TAL1: variants seen among roughly 807,000 people sequenced by gnomAD.
The protein encoded by TAL1 is T-cell acute lymphocytic leukemia protein 1.
Under a neutral mutation model 17.9 loss-of-function variants are expected in TAL1, and 8 were observed. The observed-to-expected ratio is 0.45, with a 90% confidence interval of 0.26 to 0.81. The LOEUF (loss-of-function observed/expected upper bound fraction) is 0.81. Among genes scored for constraint, TAL1 ranks in the 30% least tolerant of loss-of-function variants. The pLI is 0.17. For missense variants in TAL1, 466 were observed against 486.9 expected (o/e 0.96, Z 0.40); for synonymous variants, 223 against 218.6 (o/e 1.02, Z -0.18).
chr1:47,224,303 C>G (rs1336357848), intron 2 of TAL1, among the ~76,000 whole-genome samples: 3 of 151,820 alleles, frequency 2.0e-5, no homozygotes, highest in African/African-American at 7.3e-5. Context: ...ATAAAACAAG[C>G]AAAGGGAGGA....
rs1180471921 is a variant in TAL1, at chr1:47,225,682, G to A, written c.207C>T (p.Gly69=). The A allele has an allele frequency of 6.3e-6, 9 of 1,424,354 alleles. No individual in the cohort carries two copies. In the South Asian group the frequency reaches 8.7e-5, roughly 14 times the overall value. 88.2% of individuals were successfully genotyped at this position (1,424,354 alleles called of 1,614,324 possible). A position where few individuals can be genotyped will look rare whatever the true frequency, so the allele number is the denominator to read the frequency against. Reference sequence around the variant, plus strand: ...CGCGGCCCTTTAAGTCTCTCGCGGCGCCGCCCCCACCGGCAGGGCCGCCCC... The same window carrying A: ...CGCGGCCCTTTAAGTCTCTCGCGGCACCGCCCCCACCGGCAGGGCCGCCCC... Residue 69 remains glycine (G), a synonymous_variant, in exon 2 of 4, where the codon GGC becomes GGT. Coordinates refer to ENST00000294339, the Ensembl canonical transcript of TAL1.
exon 4 of TAL1, chr1:47,219,749 G>A: frequency 1.2e-6 from 2 of 1,610,760 alleles, no homozygotes; most frequent in South Asian, 1.1e-5. Context: ...TCGGCGGCAG[G>A]CAGCATGGCA....
chr1:47,220,876 A>G (rs901577497), intron 3 of TAL1, among the ~76,000 whole-genome samples: 7 of 152,236 alleles, frequency 4.6e-5, no homozygotes, highest in African/African-American at 1.7e-4. Flanking sequence ...ATATTAAAAA[A>G]CAAACAAACC....
upstream of TAL1, chr1:47,230,480 G>C (rs1364104153): frequency 6.6e-6 from 1 of 152,188 alleles, no homozygotes; most frequent in Admixed American, 6.5e-5. Flanking sequence ...AAAGAGGGGA[G>C]GGGAGGAAAG....
exon 4 of TAL1, chr1:47,216,614 C>A (rs775988000): frequency 8.6e-6 from 2 of 231,736 alleles, no homozygotes; most frequent in African/African-American, 2.2e-5. Context: ...GCCAGACCCA[C>A]CCCCAAAAGG....
chr1:47,217,100 C>G, exon 4 of TAL1: 1 of 235,196 alleles, frequency 4.3e-6, no homozygotes, highest in Non-Finnish European at 8.4e-6. Context: ...ACAATCTGGG[C>G]TGGGTGCAAT....
rs1645590794 is a variant in TAL1 at position 47,220,146 on chromosome 1, G to A, written c.570C>T (p.Ile190=). ...GCCATCGCTCCCGGCTGTTGGTGAA[G>A]ATACGCCGCACAACTTTGGTGTGGG... The change falls in exon 4 of 4, where the codon ATC becomes ATT. Residue 190 remains isoleucine (I), a synonymous_variant. Transcript: ENST00000294339. The A allele has an allele frequency of 1.9e-6, 3 of 1,587,994 alleles. No individual in the cohort carries two copies. The South Asian group carries it at 3.4e-5, about 18-fold the overall frequency.
At chr1:47,219,716 C>T (rs1216807165) in exon 4 of TAL1, 3 of 1,608,264 alleles carry the variant, frequency 1.9e-6, no homozygotes, top group Non-Finnish European at 2.5e-6. Flanking sequence ...GTGGCCCAGA[C>T]CCATCACCGA....
chr1:47,224,257 C>CACACAT (rs1458935469), intron 2 of TAL1, among the ~76,000 whole-genome samples, 159 bp from the exon 4 acceptor site: 1 of 152,088 alleles, frequency 6.6e-6, no homozygotes, highest in Non-Finnish European at 1.5e-5. Flanking sequence ...GACACACACA[C>CACACAT]ACACATACAC....
At chr1:47,224,027 G>A (rs767035764) in exon 3 of TAL1, 1 of 1,613,870 alleles carries the variant, frequency 6.2e-7, no homozygotes. Context: ...CATCTCATAG[G>A]GGGAAGGTCT....
At chr1:47,217,344 A>G (rs1020541375) in exon 4 of TAL1, 2 of 394,398 alleles carry the variant, frequency 5.1e-6, no homozygotes, top group Non-Finnish European at 8.9e-6. Context: ...CAATGATGGC[A>G]CCACTGTACT....
exon 4 of TAL1, chr1:47,219,741 G>A (rs768232051): frequency 2.5e-6 from 4 of 1,610,238 alleles, no homozygotes; most frequent in East Asian, 2.2e-5. Flanking sequence ...CGGCTCCATC[G>A]GCGGCAGGCA....
exon 4 of TAL1, chr1:47,217,970 C>T (rs1337664893): frequency 5.1e-6 from 2 of 390,354 alleles, no homozygotes; most frequent in Non-Finnish European, 9.0e-6. Flanking sequence ...AATGTTGCCC[C>T]AAGCTCGAGA....
exon 2 of TAL1, chr1:47,225,823 G>A: frequency 3.2e-6 from 5 of 1,580,250 alleles, no homozygotes; most frequent in South Asian, 2.2e-5. Flanking sequence ...TGCTGGCCTC[G>A]GCCGCGTCCC....
At chr1:47,225,708 C>T in exon 2 of TAL1, 3 of 1,459,080 alleles carry the variant, frequency 2.1e-6, no homozygotes, top group Non-Finnish European at 2.7e-6. Flanking sequence ...GGGCCGCCCC[C>T]CGGGCCTCCG....
At chr1:47,219,723 C>T in exon 4 of TAL1, 2 of 1,609,064 alleles carry the variant, frequency 1.2e-6, no homozygotes, top group Non-Finnish European at 8.5e-7. Flanking sequence ...AGACCCATCA[C>T]CGAGGGCCGG....
At chr1:47,218,444 T>C (rs2148583321) in exon 4 of TAL1, 1 of 232,874 alleles carries the variant, frequency 4.3e-6, no homozygotes, top group Admixed American at 5.6e-5. Context: ...TTTACAAAAA[T>C]TTCATGTACA....
At chr1:47,228,345 C>T (rs1019753989) in intron 1 of TAL1, 2 of 181,572 alleles carry the variant, frequency 1.1e-5, no homozygotes, top group African/African-American at 4.7e-5. Context: ...AAGGAACGCC[C>T]GAGAGATTTT....
At chr1:47,219,407 T>A (rs950863853) in exon 4 of TAL1, 2 of 605,942 alleles carry the variant, frequency 3.3e-6, no homozygotes, top group African/African-American at 3.6e-5. Context: ...GATCCCAAAC[T>A]CCAGGCCAAA....
Sources: allele counts gnomAD v4.1 joint callset (sites outside exome capture counted in the v4.1 genomes callset), GRCh38; gene constraint gnomAD v4.1.1; transcripts MANE v1.5; gene names NCBI Gene and HGNC (gene_info 2026-07-23, HGNC 2026-07-21).